Variants in CARD8 observed in about 807,000 individuals in gnomAD.
CARD8 encodes caspase recruitment domain family member 8.
Under a neutral mutation model 53.2 loss-of-function variants are expected in CARD8, and 38 were observed. That is an observed-to-expected ratio of 0.71 (90% CI 0.55 to 0.94). The LOEUF (loss-of-function observed/expected upper bound fraction) is 0.94, where lower values mean the gene tolerates loss of function less well. Among genes scored for constraint, CARD8 ranks in the 40% least tolerant of loss-of-function variants. CARD8 has a pLI of 0.00. For missense variants in CARD8, 561 were observed against 655.5 expected (o/e 0.86, Z 1.57); for synonymous variants, 245 against 244.9 (o/e 1.00, Z 0.00).
chr19:48,220,781 C>T lies in CARD8; in HGVS notation c.1161+949G>A, dbSNP rs566035110. ...AAAAAATCAGCCGGGAGTGGTGGTG[C>T]ATGCCTGTAATCCCAGTTACTCAGG... On this transcript the variant is annotated intron_variant, in intron 11 of 13. Transcript: ENST00000651546. Among the ~76,000 whole-genome samples the T allele has an allele frequency of 1.4e-4, 22 of 152,028 alleles. 1 individual carries two copies. In the East Asian group the frequency reaches 4.2e-3, roughly 29 times the overall value.
Position 48,238,523 on chromosome 19 carries a change from T to C in CARD8, c.69A>G (p.Gly23=). Residue 23 remains glycine (G), a synonymous_variant, in exon 5 of 14, where the codon GGA becomes GGG. Transcript: ENST00000651546. ...SEEELPRRDS[G]SSRNIDASKL... ...TGGATGCATCTATGTTCCTACTGGATCCACTGTCCCTGGGAAAACACAAAT... is the reference window on the plus strand; with the variant it reads ...TGGATGCATCTATGTTCCTACTGGACCCACTGTCCCTGGGAAAACACAAAT... 1 of 1,536,366 alleles carries C rather than the reference T, an allele frequency of 6.5e-7. No individual in the cohort carries two copies. The highest frequency in any genetic ancestry group is 1.4e-5 in the African/African-American group (1 of 73,152).
chr19:48,239,998 G>A (rs1356898400), intron 4 of CARD8, among the ~76,000 whole-genome samples: 4 of 152,110 alleles, frequency 2.6e-5, no homozygotes, highest in Admixed American at 1.3e-4. Context: ...TCATGAGGGC[G>A]CTACCTTTAT....
intron 3 of CARD8, among the ~76,000 whole-genome samples, chr19:48,246,217 G>A (rs1470915524): frequency 2.6e-5 from 4 of 152,046 alleles, no homozygotes; most frequent in African/African-American, 4.8e-5. Context: ...GTTTTCTCAC[G>A]ATTAGGCTGA....
chr19:48,208,085 A>G (rs1391610296), downstream of CARD8: 1 of 151,070 alleles, frequency 6.6e-6, no homozygotes. Flanking sequence ...ACTTCTAAAA[A>G]TGTGTGCCTT....
chr19:48,215,291 CT>C, intron 13 of CARD8, 48 bp downstream of exon 13: 1 of 1,384,962 alleles, frequency 7.2e-7, no homozygotes, highest in Non-Finnish European at 1.0e-6. Flanking sequence ...TCAAAGACCC[CT>C]TGATGTCTCA....
intron 10 of CARD8, among the ~76,000 whole-genome samples, chr19:48,222,490 A>G (rs1452827003): frequency 6.6e-6 from 1 of 152,168 alleles, no homozygotes; most frequent in Non-Finnish European, 1.5e-5. Context: ...GGAGTTTGAG[A>G]CCAGCGTGGC....
At chr19:48,230,121 GA>G (rs1568777063) in intron 10 of CARD8, among the ~76,000 whole-genome samples, 2 of 151,814 alleles carry the variant, frequency 1.3e-5, no homozygotes, top group Non-Finnish European at 2.9e-5. Flanking sequence ...TCTAAAAAAA[GA>G]AAAAAACAAC....
chr19:48,230,573 G>C lies in CARD8; in HGVS notation c.900C>G (p.Gly300=). ...TCCCACTGGCGATCCGCAGCAGGAT[G>C]CCCATCAGAGAGAAGCTGGGGCTTT... ...VLESPSFSLM[G]ILLRIASGTR... Residue 300 remains glycine (G), a synonymous_variant, in exon 10 of 14, where the codon GGC becomes GGG. Coordinates refer to ENST00000651546, the MANE Select transcript of CARD8 (RefSeq NM_001184900.3). 1 of 1,614,180 alleles carries C rather than the reference G, an allele frequency of 6.2e-7. No individual in the cohort carries two copies. The highest frequency in any genetic ancestry group is 8.5e-7 in the Non-Finnish European group (1 of 1,180,034).
chr19:48,205,521 C>T (rs527276884), downstream of CARD8, among the ~76,000 whole-genome samples: 8 of 152,240 alleles, frequency 5.3e-5, no homozygotes, highest in Non-Finnish European at 1.0e-4. Context: ...TGAGCCACTG[C>T]GCCTGGCCCA....
chr19:48,212,539 A>C (rs1340730170), intron 13 of CARD8, among the ~76,000 whole-genome samples: 1 of 152,216 alleles, frequency 6.6e-6, no homozygotes, highest in Non-Finnish European at 1.5e-5. Context: ...GTCTGTATAA[A>C]CTTGGCCAAA....
At chr19:48,245,642 C>A (rs1481360438) in intron 3 of CARD8, among the ~76,000 whole-genome samples, 2 of 151,952 alleles carry the variant, frequency 1.3e-5, no homozygotes, top group South Asian at 4.1e-4. Flanking sequence ...AAAAAAACTA[C>A]ATGACCCATA....
chr19:48,214,896 C>G (rs2038937584), intron 13 of CARD8, among the ~76,000 whole-genome samples: 2 of 149,398 alleles, frequency 1.3e-5, no homozygotes, highest in South Asian at 4.3e-4. Flanking sequence ...TCAAGCCATT[C>G]TCCTGCCTCA....
chr19:48,211,461 A>G lies in CARD8; in HGVS notation c.*249T>C, dbSNP rs747948089. The G allele has an allele frequency of 6.7e-6, 3 of 445,796 alleles. No individual in the cohort carries two copies. The highest frequency in any genetic ancestry group is 6.3e-4 in the Middle Eastern group (1 of 1,596). The allele number at this position is 445,796 out of a possible 1,614,324, so 27.6% of individuals were successfully genotyped here. A position where few individuals can be genotyped will look rare whatever the true frequency, so the allele number is the denominator to read the frequency against. On this transcript the variant is annotated 3_prime_UTR_variant, in exon 14 of 14. Coordinates refer to ENST00000651546, the MANE Select transcript of CARD8 (RefSeq NM_001184900.3). ...TCATGTCAATGGATAAAATAGTGAT[A>G]TATCAAGCAATGGTTGGAAAAAATT...
chr19:48,252,651 T>C (rs560450188), intron 1 of CARD8, among the ~76,000 whole-genome samples: 15 of 151,962 alleles, frequency 9.9e-5, no homozygotes, highest in African/African-American at 3.6e-4. Context: ...TGCACCACCA[T>C]GCCTGGCTAA....
intron 6 of CARD8, 101 bp downstream of exon 6, chr19:48,234,301 CT>C: frequency 8.2e-7 from 1 of 1,214,964 alleles, no homozygotes; most frequent in Non-Finnish European, 1.2e-6. Context: ...TCATTCTCCC[CT>C]GAGTTCGATG....
rs2038065405 is a variant in CARD8 at position 48,211,977 on chromosome 19, T to C, written c.1349-2A>G. On this transcript the variant is annotated splice_acceptor_variant, in intron 13 of 13. Coordinates refer to ENST00000651546, the MANE Select transcript of CARD8 (RefSeq NM_001184900.3). LOFTEE classifies it high-confidence loss of function. ...GGTTCTCCTTCACAAAGGCTGCACC[T>C]GGATGAAAGGGGGAGTTTCAGACTT... is the stretch of plus-strand genomic sequence containing the variant. 1.6e-5 allele frequency: 25 copies of C among 1,611,970 alleles called. No homozygotes were observed. The highest frequency in any genetic ancestry group is 2.0e-5 in the Non-Finnish European group (23 of 1,178,810).
At chr19:48,246,888 T>TTTATGGAC (rs2046208629) in intron 3 of CARD8, among the ~76,000 whole-genome samples, 1 of 152,250 alleles carries the variant, frequency 6.6e-6, no homozygotes, top group African/African-American at 2.4e-5. Flanking sequence ...GGATGGCAAC[T>TTTATGGAC]TTATGGACAT....
intron 5 of CARD8, 62 bp downstream of exon 5, chr19:48,238,321 A>G: frequency 6.6e-7 from 1 of 1,514,848 alleles, no homozygotes; most frequent in Non-Finnish European, 8.8e-7. Context: ...ATGAATGTAC[A>G]TAAACCAATG....
chr19:48,241,009 C>A lies in CARD8; in HGVS notation c.12G>T (p.Lys4Asn). 1 of 1,535,888 alleles carries A rather than the reference C, an allele frequency of 6.5e-7. No homozygotes were observed. Among genetic ancestry groups the A allele is most frequent in the Non-Finnish European group, 8.7e-7 (1 of 1,146,632 alleles). MEK[K>N]ECPEKSSSSE... ...TGCTGCTACTCTTTTCTGGACACTC[C>A]TTTTTTTCCATTTGTCAAATGTGGT... Residue 4 changes from lysine (K) to asparagine (N), a missense_variant, in exon 4 of 14, where the codon AAG becomes AAT. Lys to Asn is a moderately conservative substitution (Grantham distance 94). Transcript: ENST00000651546.
Sources: allele counts gnomAD v4.1 joint callset (sites outside exome capture counted in the v4.1 genomes callset), GRCh38; gene constraint gnomAD v4.1.1; transcripts MANE v1.5; gene names NCBI Gene and HGNC (gene_info 2026-07-23, HGNC 2026-07-21).